The following KCNQ1 variants were observed in gnomAD, a reference collection of about 807,000 sequenced individuals.
KCNQ1 encodes the protein potassium voltage-gated channel subfamily KQT member 1.
KCNQ1 carries 49 observed loss-of-function variants against 72.4 expected under a neutral mutation model. That is an observed-to-expected ratio of 0.68 (90% CI 0.54 to 0.86). KCNQ1 has a LOEUF of 0.86. Among genes scored for constraint, KCNQ1 ranks in the 40% least tolerant of loss-of-function variants. The probability of loss-of-function intolerance (pLI) is 0.00; values close to 1 mark genes in which losing one functional copy is unlikely to be tolerated. For synonymous variants in KCNQ1, 450 were observed against 412.6 expected (o/e 1.09, Z -1.10); for missense variants, 790 against 945.1 (o/e 0.84, Z 2.15).
At chr11:2,568,963 C>A (rs919373036) in intron 2 of KCNQ1, among the ~76,000 whole-genome samples, 24 of 152,136 alleles carry the variant, frequency 1.6e-4, no homozygotes, top group Non-Finnish European at 2.5e-4. Flanking sequence ...CGGCTCACTG[C>A]AAGCTCTGCC....
In KCNQ1 at chr11:2,620,544, T is replaced by A. The variant is rs994892389; in HGVS notation, c.1393+31690T>A. 1.0e-5 allele frequency: 4 copies of A among 395,374 alleles called. No individual in the cohort carries two copies. The highest frequency in any genetic ancestry group is 2.1e-5 in the African/African-American group (1 of 48,572). 24.5% of individuals were successfully genotyped at this position (395,374 alleles called of 1,614,324 possible). On this transcript the variant is annotated intron_variant, in intron 10 of 15. Transcript: ENST00000155840. This position sits in a 1 kb window ranked among gnomAD's most constrained non-coding sequence, Gnocchi z 4.5. ...TTCATTCATTTTTATGGCTGCATAG[T>A]ATTCCATGGTGTACATGTACCACAT...
rs533622759 is a variant in KCNQ1, at chr11:2,475,352, T to A, written c.386+29868T>A. Among the ~76,000 whole-genome samples the A allele has an allele frequency of 2.6e-5, 4 of 152,312 alleles. No homozygotes were observed. Among genetic ancestry groups the A allele is most frequent in the African/African-American group, 9.6e-5 (4 of 41,572 alleles). ...CTGAGCTGAGTAGTGGTCTGTGGTG[T>A]GGATGGACTACGTGCAGCTGTCTCT... On this transcript the variant is annotated intron_variant, in intron 1 of 15. Coordinates refer to ENST00000155840, the MANE Select transcript of KCNQ1 (RefSeq NM_000218.3). This position sits in a 1 kb window ranked among gnomAD's most constrained non-coding sequence, Gnocchi z 5.8.
chr11:2,567,166 G>A lies in KCNQ1; in HGVS notation c.478-3462G>A, dbSNP rs558117176. ...AGTGTGGACAGCAGGAGCTATGGCAGCTGCTTGAGCAAGGTGGGCAAGGGA... is the reference window on the plus strand; with the variant it reads ...AGTGTGGACAGCAGGAGCTATGGCAACTGCTTGAGCAAGGTGGGCAAGGGA... On this transcript the variant is annotated intron_variant, in intron 2 of 15. Coordinates refer to ENST00000155840, the MANE Select transcript of KCNQ1 (RefSeq NM_000218.3). This position sits in a 1 kb window ranked among gnomAD's most constrained non-coding sequence, Gnocchi z 6.6. Among the ~76,000 whole-genome samples, 1 of 152,278 alleles carries A rather than the reference G, an allele frequency of 6.6e-6. No homozygotes were observed. Among genetic ancestry groups the A allele is most frequent in the Non-Finnish European group, 1.5e-5 (1 of 68,004 alleles).
Position 2,723,710 on chromosome 11 carries a change from G to A in KCNQ1, c.1515-45134G>A, listed in dbSNP as rs765035864. Among the ~76,000 whole-genome samples the A allele has an allele frequency of 6.6e-6, 1 of 152,196 alleles. No homozygotes were observed. Among genetic ancestry groups the A allele is most frequent in the Non-Finnish European group, 1.5e-5 (1 of 68,036 alleles). ...AGTGGTCTAGGATGGCCTTGCTCCC[G>A]GAGAAGACCCTTGGCAGACAGCCTC... On this transcript the variant is annotated intron_variant, in intron 11 of 15. Coordinates refer to ENST00000155840, the MANE Select transcript of KCNQ1 (RefSeq NM_000218.3). The surrounding 1 kb of genome is among the most constrained non-coding windows in gnomAD (Gnocchi z 4.2).
Position 2,566,496 on chromosome 11 carries a change from C to A in KCNQ1, c.478-4132C>A, listed in dbSNP as rs1173974308. ...TCTGTAAAATGTGAACAGAGGCCACCACCCCCATTATGTGGGTCTGTGTTT... is the reference window on the plus strand; with the variant it reads ...TCTGTAAAATGTGAACAGAGGCCACAACCCCCATTATGTGGGTCTGTGTTT... On this transcript the variant is annotated intron_variant, in intron 2 of 15. Transcript: ENST00000155840. The surrounding 1 kb of genome is among the most constrained non-coding windows in gnomAD (Gnocchi z 6.7). 6.6e-6 allele frequency among the ~76,000 whole-genome samples: 1 copy of A among 152,088 alleles called. No individual in the cohort carries two copies. The highest frequency in any genetic ancestry group is 6.5e-5 in the Admixed American group (1 of 15,270).
intron 15 of KCNQ1, chr11:2,839,872 C>A (rs1042038738): frequency 6.6e-6 from 1 of 152,202 alleles, no homozygotes; most frequent in Non-Finnish European, 1.5e-5. Flanking sequence ...ACGAGCCTGT[C>A]GTCTTTCACC....
intron 1 of KCNQ1, among the ~76,000 whole-genome samples, chr11:2,469,709 T>G (rs539397174): frequency 6.6e-6 from 1 of 152,300 alleles, no homozygotes; most frequent in East Asian, 1.9e-4. Flanking sequence ...AGTCTCGCTC[T>G]GTCACCCAGG....
In KCNQ1 at chr11:2,471,892, AG is replaced by A. The variant is rs551587858; in HGVS notation, c.386+26410del. Among the ~76,000 whole-genome samples, 273 of 144,458 alleles carry A rather than the reference AG, an allele frequency of 1.9e-3. No individual in the cohort carries two copies. Among genetic ancestry groups the A allele is most frequent in the African/African-American group, 6.9e-3 (266 of 38,310 alleles). The allele number at this position is 144,458 out of a possible 152,430, so 94.8% of individuals were successfully genotyped here. A position where few individuals can be genotyped will look rare whatever the true frequency, so the allele number is the denominator to read the frequency against. On this transcript the variant is annotated intron_variant, in intron 1 of 15. Coordinates refer to ENST00000155840, the MANE Select transcript of KCNQ1 (RefSeq NM_000218.3). The surrounding 1 kb of genome is among the most constrained non-coding windows in gnomAD (Gnocchi z 4.8). Reference sequence around the variant, plus strand: ...TATGGGTGTGTGTGCACATGTGTATAGGTGTGTGTATGCGTGCACCTATGTG... The same window carrying A: ...TATGGGTGTGTGTGCACATGTGTATAGTGTGTGTATGCGTGCACCTATGTG...
At chr11:2,619,801 T>C (rs1023948231) in intron 10 of KCNQ1, 1 of 398,546 alleles carries the variant, frequency 2.5e-6, no homozygotes, top group South Asian at 1.3e-4. Flanking sequence ...TGGGTAGTAT[T>C]CAGTCATGAA....
Position 2,463,601 on chromosome 11 carries a change from A to G in KCNQ1, c.386+18117A>G, listed in dbSNP as rs1189158161. Among the ~76,000 whole-genome samples the G allele has an allele frequency of 6.6e-6, 1 of 151,976 alleles. No homozygotes were observed. Among genetic ancestry groups the G allele is most frequent in the Non-Finnish European group, 1.5e-5 (1 of 67,978 alleles). On this transcript the variant is annotated intron_variant, in intron 1 of 15. Transcript: ENST00000155840. The surrounding 1 kb of genome is among the most constrained non-coding windows in gnomAD (Gnocchi z 7.0). Reference sequence around the variant, plus strand: ...CCTGGGCACCCTGCCTCTTCCGGGGACTGGGGCTGGGGCTGGGGCAGCTGT... The same window carrying G: ...CCTGGGCACCCTGCCTCTTCCGGGGGCTGGGGCTGGGGCTGGGGCAGCTGT...
At chr11:2,619,937 G>A in intron 10 of KCNQ1, 1 of 381,994 alleles carries the variant, frequency 2.6e-6, no homozygotes, top group Non-Finnish European at 4.6e-6. Context: ...GCATGATGAT[G>A]AGGTTTGGAG....
chr11:2,515,456 G>A lies in KCNQ1; in HGVS notation c.387-12472G>A, dbSNP rs1303584317. On this transcript the variant is annotated intron_variant, in intron 1 of 15. Coordinates refer to ENST00000155840, the MANE Select transcript of KCNQ1 (RefSeq NM_000218.3). This position sits in a 1 kb window ranked among gnomAD's most constrained non-coding sequence, Gnocchi z 4.7. ...CTGTCCACCCCTCCCACCCGTCCCC[G>A]AGGCCCCTGCTGCCCAGCAAGACCA... Among the ~76,000 whole-genome samples the A allele has an allele frequency of 7.0e-6, 1 of 142,070 alleles. No homozygotes were observed. The highest frequency in any genetic ancestry group is 2.5e-4 in the East Asian group (1 of 4,062). The allele number at this position is 142,070 out of a possible 152,430, so 93.2% of individuals were successfully genotyped here.
chr11:2,539,563 A>G (rs1589938518), intron 2 of KCNQ1, among the ~76,000 whole-genome samples: 2 of 152,092 alleles, frequency 1.3e-5, no homozygotes, highest in African/African-American at 4.8e-5. Flanking sequence ...CGAAGGGAAC[A>G]CCGCCATGGT....
rs74048616 is a variant in KCNQ1, at chr11:2,451,202, C to G, written c.386+5718C>G. 0.049 allele frequency among the ~76,000 whole-genome samples: 7,404 copies of G among 152,176 alleles called. 545 individuals carry two copies. Among genetic ancestry groups the G allele is most frequent in the African/African-American group, 0.16 (6,678 of 41,494 alleles). On this transcript the variant is annotated intron_variant, in intron 1 of 15. Coordinates refer to ENST00000155840, the MANE Select transcript of KCNQ1 (RefSeq NM_000218.3). This position sits in a 1 kb window ranked among gnomAD's most constrained non-coding sequence, Gnocchi z 6.4. ...TTTATGGAAGAAAGATTTTTCCACC[C>G]GGGCAGTGGTGATCTTGGGATGAAA...
rs1188178429 is a variant in KCNQ1, at chr11:2,670,484, G to C, written c.1514+8403G>C. ...ACATCCTTGGTAGGTCCCTCAGAGA[G>C]CATCTAGTGGGCCTGTCCTCCCAGC... On this transcript the variant is annotated intron_variant, in intron 11 of 15. Coordinates refer to ENST00000155840, the MANE Select transcript of KCNQ1 (RefSeq NM_000218.3). The surrounding 1 kb of genome is among the most constrained non-coding windows in gnomAD (Gnocchi z 4.9). 7 of 397,378 alleles carry C rather than the reference G, an allele frequency of 1.8e-5. No homozygotes were observed. The highest frequency in any genetic ancestry group is 3.1e-5 in the Non-Finnish European group (7 of 225,862). The allele number at this position is 397,378 out of a possible 1,614,324, so 24.6% of individuals were successfully genotyped here.
chr11:2,545,702 G>A (rs545868744), intron 2 of KCNQ1, among the ~76,000 whole-genome samples: 4 of 152,284 alleles, frequency 2.6e-5, no homozygotes, highest in African/African-American at 9.6e-5. Flanking sequence ...TCAGGTGATT[G>A]ATAATAGTGG....
rs560115612 is a variant in KCNQ1, at chr11:2,559,085, G to A, written c.478-11543G>A. ...GGGGCAAGGTGGGGCTGGAGGCACC[G>A]GCTCAGCAAGAGGGGTCACTTGAGC... On this transcript the variant is annotated intron_variant, in intron 2 of 15. Coordinates refer to ENST00000155840, the MANE Select transcript of KCNQ1 (RefSeq NM_000218.3). The surrounding 1 kb of genome is among the most constrained non-coding windows in gnomAD (Gnocchi z 4.9). Among the ~76,000 whole-genome samples, 30 of 152,186 alleles carry A rather than the reference G, an allele frequency of 2.0e-4. No individual in the cohort carries two copies. Among genetic ancestry groups the A allele is most frequent in the East Asian group, 1.9e-3 (10 of 5,150 alleles).
At position 2,678,906 on chromosome 11, in the gene KCNQ1, A is replaced by T; in HGVS notation, c.1514+16825A>T. On this transcript the variant is annotated intron_variant, in intron 11 of 15. Transcript: ENST00000155840. The surrounding 1 kb of genome is among the most constrained non-coding windows in gnomAD (Gnocchi z 4.9). ...AAGGACCATTTCGTATACATGTATG[A>T]TCATACTTTCAGGGCATCTTGGAAA... 1 of 398,628 alleles carries T rather than the reference A, an allele frequency of 2.5e-6. No homozygotes were observed. Among genetic ancestry groups the T allele is most frequent in the South Asian group, 1.3e-4 (1 of 7,854 alleles). The allele number at this position is 398,628 out of a possible 1,614,324, so 24.7% of individuals were successfully genotyped here.
chr11:2,451,909 C>G lies in KCNQ1; in HGVS notation c.386+6425C>G, dbSNP rs1846123606. On this transcript the variant is annotated intron_variant, in intron 1 of 15. Transcript: ENST00000155840. The surrounding 1 kb of genome is among the most constrained non-coding windows in gnomAD (Gnocchi z 6.4). ...CCAGAAGCCCTTAGGATGCTGTGGT[C>G]TCAAGTGAGGTGGTGCACTATTCCT... 6.6e-6 allele frequency among the ~76,000 whole-genome samples: 1 copy of G among 152,174 alleles called. No individual in the cohort carries two copies. The highest frequency in any genetic ancestry group is 2.4e-5 in the African/African-American group (1 of 41,452).
Sources: gnomAD v4.1 joint callset for allele counts (sites outside exome capture counted in the v4.1 genomes callset) on GRCh38, gnomAD v4.1.1 for gene constraint, Gnocchi (gnomAD v3.1) non-coding constraint, MANE v1.5 for transcripts, NCBI Gene and HGNC (gene_info 2026-07-23, HGNC 2026-07-21) for gene names.